XRRA1: variants seen among roughly 807,000 people sequenced by gnomAD.
XRRA1 encodes the protein X-ray radiation resistance-associated protein 1.
In XRRA1, 69 loss-of-function variants were observed where a neutral mutation model predicts 80.2. The ratio of observed to expected loss-of-function variants is 0.86; its 90% CI spans 0.71 to 1.05. XRRA1 has a LOEUF of 1.05. XRRA1 is among the 50% of genes least tolerant of loss of function. The probability of loss-of-function intolerance (pLI) is 0.00; values close to 1 mark genes in which losing one functional copy is unlikely to be tolerated. For synonymous variants in XRRA1, 348 were observed against 389.9 expected (o/e 0.89, Z 1.27); for missense variants, 967 against 976.4 (o/e 0.99, Z 0.13).
At chr11:74,948,494 A>T (rs1007231905) in intron 1 of XRRA1, among the ~76,000 whole-genome samples, 1 of 152,250 alleles carries the variant, frequency 6.6e-6, no homozygotes, top group Non-Finnish European at 1.5e-5. Flanking sequence ...TTGTGAAAAA[A>T]ATAATTAAAA....
chr11:74,938,187 G>A (rs1452753627), intron 3 of XRRA1, among the ~76,000 whole-genome samples: 1 of 152,194 alleles, frequency 6.6e-6, no homozygotes, highest in East Asian at 1.9e-4. Flanking sequence ...CTGCCTTGGG[G>A]GCTTGCCCTG....
chr11:74,906,491 A>G (rs1286250051), intron 9 of XRRA1, 35 bp from the exon 10 acceptor site: 4 of 1,604,918 alleles, frequency 2.5e-6, no homozygotes, highest in Non-Finnish European at 3.4e-6. Context: ...GAATCATAGC[A>G]ATAATGATAC....
chr11:74,947,839 C>A (rs893492258), intron 1 of XRRA1, among the ~76,000 whole-genome samples: 2 of 152,150 alleles, frequency 1.3e-5, no homozygotes, highest in African/African-American at 4.8e-5. Context: ...ATTCTCCTGC[C>A]TCAGCCTCCC....
At chr11:74,893,123 A>T (rs1193803007) in intron 10 of XRRA1, among the ~76,000 whole-genome samples, 1 of 152,232 alleles carries the variant, frequency 6.6e-6, no homozygotes, top group Non-Finnish European at 1.5e-5. Flanking sequence ...TTATTGTGGC[A>T]CTATTCACAA....
At chr11:74,867,555 T>G (rs2043718798) in intron 10 of XRRA1, among the ~76,000 whole-genome samples, 1 of 152,092 alleles carries the variant, frequency 6.6e-6, no homozygotes, top group South Asian at 2.1e-4. Flanking sequence ...GAGCAAAACC[T>G]CTGAGAAATA....
At chr11:74,924,769 G>A (rs892880811) in intron 7 of XRRA1, among the ~76,000 whole-genome samples, 22 of 152,314 alleles carry the variant, frequency 1.4e-4, no homozygotes, top group African/African-American at 5.3e-4. Flanking sequence ...GGAGGCGGAG[G>A]TTGCAATAAG....
intron 3 of XRRA1, 32 bp from the exon 4 acceptor site, chr11:74,937,100 A>G: frequency 1.3e-6 from 2 of 1,595,434 alleles, no homozygotes; most frequent in East Asian, 2.2e-5. Context: ...TGAAAAGGGG[A>G]AAACTCCAAA....
At chr11:74,917,521 T>A (rs573376462) in intron 8 of XRRA1, among the ~76,000 whole-genome samples, 1 of 152,342 alleles carries the variant, frequency 6.6e-6, no homozygotes, top group South Asian at 2.1e-4. Context: ...CTCCATCATC[T>A]TCCCAGAATC....
At chr11:74,850,122 G>A (rs1375923558) in intron 14 of XRRA1, among the ~76,000 whole-genome samples, 1 of 152,208 alleles carries the variant, frequency 6.6e-6, no homozygotes, top group Non-Finnish European at 1.5e-5. Context: ...CAGAACCTTT[G>A]ATGGGAGGAG....
chr11:74,904,166 TAG>T (rs1436011307), intron 10 of XRRA1, among the ~76,000 whole-genome samples: 2 of 152,194 alleles, frequency 1.3e-5, no homozygotes, highest in Non-Finnish European at 2.9e-5. Context: ...AAATTATTGT[TAG>T]AGTTTATTAC....
intron 14 of XRRA1, among the ~76,000 whole-genome samples, chr11:74,848,992 C>G (rs1470607283): frequency 6.6e-6 from 1 of 152,256 alleles, no homozygotes; most frequent in East Asian, 1.9e-4. Flanking sequence ...ATATAAAGAT[C>G]CTAAAGATAG....
chr11:74,927,560 T>C (rs895755980), intron 6 of XRRA1, 72 bp from the exon 7 acceptor site: 47 of 1,054,326 alleles, frequency 4.5e-5, no homozygotes, highest in Non-Finnish European at 5.8e-5. Flanking sequence ...ATAATTACCA[T>C]TTACTGTGTC....
At chr11:74,881,023 C>T (rs1672545074) in intron 10 of XRRA1, among the ~76,000 whole-genome samples, 1 of 145,782 alleles carries the variant, frequency 6.9e-6, no homozygotes, top group East Asian at 2.0e-4. Context: ...TCCTTGTTGA[C>T]TTTCTGTCTC....
chr11:74,860,694 G>T (rs922571348), intron 11 of XRRA1, among the ~76,000 whole-genome samples: 8 of 152,156 alleles, frequency 5.3e-5, no homozygotes, highest in African/African-American at 1.9e-4. Context: ...ATGCCCTTTT[G>T]CAGTGTGACC....
chr11:74,882,010 A>T (rs2136751210), intron 10 of XRRA1, among the ~76,000 whole-genome samples: 1 of 144,770 alleles, frequency 6.9e-6, no homozygotes, highest in South Asian at 2.3e-4. Context: ...CTCAAGGAGT[A>T]TCTTTGTGGC....
At chr11:74,844,108 A>T (rs1008962306) in intron 17 of XRRA1, 60 bp downstream of exon 17, 1 of 1,534,652 alleles carries the variant, frequency 6.5e-7, no homozygotes, top group Non-Finnish European at 9.0e-7. Context: ...TGACAGCCAC[A>T]TCTGTAATTG....
At chr11:74,855,130 A>C (rs1449640251) in intron 12 of XRRA1, among the ~76,000 whole-genome samples, 2 of 152,230 alleles carry the variant, frequency 1.3e-5, no homozygotes, top group Non-Finnish European at 2.9e-5. Flanking sequence ...GGCAGAGTTA[A>C]GTAGTTGCAA....
chr11:74,843,634 G>T, intron 18 of XRRA1, 181 bp from the exon 19 acceptor site: 1 of 885,272 alleles, frequency 1.1e-6, no homozygotes, highest in Non-Finnish European at 1.7e-6. Flanking sequence ...CCTATGCATT[G>T]ACTCTATCTT....
Position 74,848,169 on chromosome 11 carries a change from T to G in XRRA1, c.1674A>C (p.Pro558=), listed in dbSNP as rs763574557. Residue 558 remains proline (P), a synonymous_variant, in exon 15 of 19, where the codon CCA becomes CCC. Transcript: ENST00000684022. ...HLSDTTVRLS[P]ERPSDEDSKS... ...TGGAGTCCTCATCTGATGGGCGCTC[T>G]GGGCTGAGGCGGACAGTTGTGTCAC... 2.8e-5 allele frequency: 45 copies of G among 1,613,596 alleles called. No individual in the cohort carries two copies. Among genetic ancestry groups the G allele is most frequent in the South Asian group, 6.6e-5 (6 of 91,074 alleles).
Sources: allele counts gnomAD v4.1 joint callset (sites outside exome capture counted in the v4.1 genomes callset), GRCh38; gene constraint gnomAD v4.1.1; transcripts MANE v1.5; gene names NCBI Gene and HGNC (gene_info 2026-07-23, HGNC 2026-07-21).